Variants in SLC4A8 observed in about 807,000 individuals in gnomAD.
SLC4A8 encodes electroneutral sodium bicarbonate exchanger 1.
SLC4A8 carries 40 observed loss-of-function variants against 125.0 expected under a neutral mutation model. That is an observed-to-expected ratio of 0.32 (90% confidence interval 0.25 to 0.42). The LOEUF is 0.42. Ranked by LOEUF, SLC4A8 falls within the 10% of genes least tolerant of loss-of-function variation. The pLI is 1.00. For missense variants in SLC4A8, 863 were observed against 1,355.1 expected, an observed-to-expected ratio of 0.64 and a Z score of 5.70; for synonymous variants, 456 against 476.0, an observed-to-expected ratio of 0.96 and a Z score of 0.55.
chr12:51,433,565 C>T (rs1050797441), intron 1 of SLC4A8, among the ~76,000 whole-genome samples: 2 of 152,104 alleles, frequency 1.3e-5, no homozygotes, highest in African/African-American at 2.4e-5. Context: ...CCTCTGAAGC[C>T]CATTTACAAG....
chr12:51,422,194 G>T (rs1158281179), upstream of SLC4A8: 1 of 152,204 alleles, frequency 6.6e-6, no homozygotes, highest in African/African-American at 2.4e-5. Context: ...AATAGAAAAA[G>T]AGTAGAGACA....
rs149710660 is a variant in SLC4A8, at chr12:51,451,584, C to G, written c.278-540C>G. On this transcript the variant is annotated intron_variant, in intron 3 of 24. Coordinates refer to ENST00000453097, the MANE Select transcript of SLC4A8 (RefSeq NM_001039960.3). The stretch of plus-strand genomic sequence containing the variant: ...CATGTGGCCTGTCTGCCTGCAAACA[C>G]ACAGACTTTTTGATTCACATAGAGT... 2.9e-3 allele frequency among the ~76,000 whole-genome samples: 448 copies of G among 152,068 alleles called. 3 individuals carry two copies. The highest frequency in any genetic ancestry group is 0.01 in the African/African-American group (428 of 41,458).
intron 1 of SLC4A8, among the ~76,000 whole-genome samples, chr12:51,440,071 G>A (rs894775388): frequency 6.6e-6 from 1 of 152,174 alleles, no homozygotes; most frequent in Non-Finnish European, 1.5e-5. Flanking sequence ...GACAGAGGAG[G>A]CCTGATAAGA....
intron 22 of SLC4A8, among the ~76,000 whole-genome samples, chr12:51,499,511 C>A (rs775105541): frequency 1.1e-4 from 16 of 151,988 alleles, no homozygotes; most frequent in Admixed American, 2.0e-4. Flanking sequence ...CAGTAGTATA[C>A]AGGACACAGA....
rs185864101 is a variant in SLC4A8 at position 51,399,237 on chromosome 12, G to A, written c.-112+7749G>A. Among the ~76,000 whole-genome samples the A allele has an allele frequency of 1.5e-4, 23 of 152,158 alleles. No individual in the cohort carries two copies. The East Asian group carries it at 3.3e-3, about 22-fold the overall frequency. On this transcript the variant is annotated intron_variant, in intron 1 of 24. Transcript: ENST00000358657. ...TTTGCCTCATTGTTTATTAATTCCCGTGGAATCTTATTTACTTATTTTCAA... is the reference window on the plus strand; with the variant it reads ...TTTGCCTCATTGTTTATTAATTCCCATGGAATCTTATTTACTTATTTTCAA...
At chr12:51,424,500 C>T (rs1325833284), upstream of SLC4A8, 1 of 154,540 alleles carries the variant, frequency 6.5e-6, no homozygotes, top group African/African-American at 2.4e-5. Context: ...CTCCTGCAAT[C>T]GCGAAGGATG....
chr12:51,462,299 C>G lies in SLC4A8; in HGVS notation c.1102-11C>G, dbSNP rs758274985. Reference sequence around the variant, plus strand: ...CTTTTAACTTTCCTGAGGGTTTTCTCTTCTCTGTAGATTTTTCATGACGTA... The same window carrying G: ...CTTTTAACTTTCCTGAGGGTTTTCTGTTCTCTGTAGATTTTTCATGACGTA... On this transcript the variant is annotated splice_polypyrimidine_tract_variant and intron_variant, in intron 9 of 24. Coordinates refer to ENST00000453097, the MANE Select transcript of SLC4A8 (RefSeq NM_001039960.3). 21 of 1,613,456 alleles carry G rather than the reference C, an allele frequency of 1.3e-5. No individual in the cohort carries two copies. The highest frequency in any genetic ancestry group is 1.8e-5 in the Non-Finnish European group (21 of 1,179,486).
chr12:51,441,188 A>G, intron 2 of SLC4A8: 1 of 983,782 alleles, frequency 1.0e-6, no homozygotes, highest in Non-Finnish European at 1.2e-6. Context: ...CATTTTGGCT[A>G]CAAAACCCTA....
intron 2 of SLC4A8, chr12:51,440,998 T>C (rs1949576487): frequency 2.8e-6 from 3 of 1,063,572 alleles, no homozygotes; most frequent in African/African-American, 3.3e-5. Flanking sequence ...TAGGATCTAA[T>C]TGCCTACATG....
chr12:51,450,892 T>C lies in SLC4A8; in HGVS notation c.147T>C (p.Tyr49=). 1.2e-6 allele frequency: 2 copies of C among 1,613,406 alleles called. No individual in the cohort carries two copies. The highest frequency in any genetic ancestry group is 1.7e-6 in the Non-Finnish European group (2 of 1,179,676). ...TCTTTCCAGGTCACAGAACTCTGTA[T>C]GTGGGAGTTCGGATGCCGCTTGGCC... ...KEELEGHRTL[Y]VGVRMPLGRQ... Residue 49 remains tyrosine (Y), a synonymous_variant, in exon 3 of 25, where the codon TAT becomes TAC. Coordinates refer to ENST00000453097, the MANE Select transcript of SLC4A8 (RefSeq NM_001039960.3).
chr12:51,499,428 T>A (rs1937742942), intron 22 of SLC4A8, among the ~76,000 whole-genome samples: 1 of 151,920 alleles, frequency 6.6e-6, no homozygotes, highest in South Asian at 2.1e-4. Context: ...GTTGGTAAGA[T>A]TATACATTTT....
chr12:51,484,804 C>T (rs962887770), intron 16 of SLC4A8, among the ~76,000 whole-genome samples: 3 of 152,024 alleles, frequency 2.0e-5, no homozygotes, highest in Admixed American at 6.6e-5. Context: ...AGATATGTGC[C>T]ATGGAGGAAA....
intron 23 of SLC4A8, among the ~76,000 whole-genome samples, 154 bp downstream of exon 23, chr12:51,504,274 C>T (rs953483396): frequency 6.6e-5 from 10 of 152,176 alleles, no homozygotes; most frequent in African/African-American, 2.4e-4. Flanking sequence ...TTTTCCATCT[C>T]ATTGTTTATT....
chr12:51,494,335 G>A lies in SLC4A8; in HGVS notation c.2769+563G>A, dbSNP rs751976608. ...ATCAGGAGCTTGTCATTGATAACTT[G>A]GGTATTCCAGATAATATAATAACTT... On this transcript the variant is annotated intron_variant, in intron 20 of 24. Transcript: ENST00000453097. The A allele has an allele frequency of 1.3e-3, 205 of 152,662 alleles. 1 individual carries two copies. The highest frequency in any genetic ancestry group is 2.6e-3 in the Non-Finnish European group (176 of 68,494). The allele number at this position is 152,662 out of a possible 1,614,324, so 9.5% of individuals were successfully genotyped here. A position where few individuals can be genotyped will look rare whatever the true frequency, so the allele number is the denominator to read the frequency against.
chr12:51,395,170 A>G (rs1443877050), intron 1 of SLC4A8, among the ~76,000 whole-genome samples: 3 of 152,190 alleles, frequency 2.0e-5, no homozygotes, highest in Non-Finnish European at 4.4e-5. Flanking sequence ...TGAAAGCTCC[A>G]TTTCCCACCT....
intron 16 of SLC4A8, among the ~76,000 whole-genome samples, chr12:51,484,139 A>T (rs770863407): frequency 2.0e-5 from 3 of 152,160 alleles, no homozygotes. Context: ...TTAATTAGAT[A>T]TTTAGTGTAC....
chr12:51,406,816 T>C (rs1307235395), intron 1 of SLC4A8, among the ~76,000 whole-genome samples: 1 of 152,184 alleles, frequency 6.6e-6, no homozygotes, highest in Non-Finnish European at 1.5e-5. Context: ...AACTTGGCGC[T>C]GGCTGGCAGG....
intron 1 of SLC4A8, among the ~76,000 whole-genome samples, chr12:51,419,600 T>A (rs1948745607): frequency 6.6e-6 from 1 of 152,230 alleles, no homozygotes; most frequent in South Asian, 2.1e-4. Flanking sequence ...CTGGAAGTCC[T>A]ACAGCTTTTC....
intron 2 of SLC4A8, among the ~76,000 whole-genome samples, chr12:51,443,672 G>A (rs1949673932): frequency 6.6e-6 from 1 of 152,294 alleles, no homozygotes; most frequent in South Asian, 2.1e-4. Flanking sequence ...AGAGGTAAGA[G>A]CCATTTGGTC....
Sources: allele counts gnomAD v4.1 joint callset (sites outside exome capture counted in the v4.1 genomes callset), GRCh38; gene constraint gnomAD v4.1.1; transcripts MANE v1.5; gene names NCBI Gene and HGNC (gene_info 2026-07-23, HGNC 2026-07-21).